RBFOX1: variants seen among roughly 807,000 people sequenced by gnomAD.
RBFOX1 encodes RNA binding protein fox-1 homolog 1.
A neutral mutation model predicts 57.7 loss-of-function variants in RBFOX1; 8 were observed. The observed-to-expected ratio is 0.14, with a 90% CI of 0.08 to 0.25. The LOEUF (loss-of-function observed/expected upper bound fraction) is 0.25. Ranked by LOEUF, RBFOX1 falls within the 10% of genes least tolerant of loss-of-function variation. The pLI, the probability that RBFOX1 is intolerant of heterozygous loss-of-function variation, is 1.00. For synonymous variants in RBFOX1, 326 were observed against 222.4 expected (o/e 1.47, Z -4.15); for missense variants, 611 against 548.5 (o/e 1.11, Z -1.14).
In RBFOX1 at chr16:7,044,577, C is replaced by T. The variant is rs572647798; in HGVS notation, c.-15-7480C>T. 2.9e-3 allele frequency among the ~76,000 whole-genome samples: 435 copies of T among 152,284 alleles called. 2 individuals are homozygous for T. Among genetic ancestry groups the T allele is most frequent in the Non-Finnish European group, 2.3e-3 (155 of 68,030 alleles). On this transcript the variant is annotated intron_variant, in intron 3 of 15. Coordinates refer to ENST00000550418, the MANE Select transcript of RBFOX1 (RefSeq NM_018723.4). Reference sequence around the variant, plus strand: ...TAACCTTTCATAAGTGCTTACTTGGCAGCCCTTTCAAGAGTGGTATTTGAT... The same window carrying T: ...TAACCTTTCATAAGTGCTTACTTGGTAGCCCTTTCAAGAGTGGTATTTGAT...
At chr16:7,462,060 C>T (rs1239512071) in intron 4 of RBFOX1, among the ~76,000 whole-genome samples, 1 of 152,190 alleles carries the variant, frequency 6.6e-6, no homozygotes, top group East Asian at 1.9e-4. Flanking sequence ...GACAATAGAA[C>T]TGTGAAAATC....
intron 5 of RBFOX1, among the ~76,000 whole-genome samples, chr16:7,535,560 G>A (rs1322247755): frequency 1.3e-5 from 2 of 152,174 alleles, no homozygotes; most frequent in Admixed American, 6.5e-5. Flanking sequence ...CTTTTCCACT[G>A]ACTTTGCTGG....
intron 4 of RBFOX1, among the ~76,000 whole-genome samples, chr16:5,935,047 C>G (rs548355246): frequency 6.6e-6 from 1 of 152,314 alleles, no homozygotes; most frequent in African/African-American, 2.4e-5. Flanking sequence ...AAACAAGTGT[C>G]TACACCCTCA....
chr16:6,654,554 C>T (rs12921150), intron 2 of RBFOX1, 49 bp from the exon 3 acceptor site: 9 of 1,412,046 alleles, frequency 6.4e-6, no homozygotes, highest in East Asian at 2.6e-5. Context: ...GACCATAAGT[C>T]TGACTCCTGT....
At position 7,096,189 on chromosome 16, in the gene RBFOX1, T is replaced by G. The variant is rs1237697123; in HGVS notation, c.27+44091T>G. On this transcript the variant is annotated intron_variant, in intron 4 of 15. Transcript: ENST00000550418. The stretch of plus-strand genomic sequence containing the variant: ...AAACACAACACAATAACAAAACTGG[T>G]AACCATCGAGCAAAAGTAGTCGATA... Among the ~76,000 whole-genome samples the G allele has an allele frequency of 2.6e-5, 4 of 152,112 alleles. No individual in the cohort carries two copies. The South Asian group carries it at 8.3e-4, about 32-fold the overall frequency.
At chr16:7,203,367 C>G (rs1417427349) in intron 4 of RBFOX1, among the ~76,000 whole-genome samples, 1 of 152,044 alleles carries the variant, frequency 6.6e-6, no homozygotes, top group Admixed American at 6.5e-5. Context: ...ATGGTGGTGG[C>G]TGGTGGAGAG....
At chr16:5,347,981 A>G (rs1422357509) in intron 1 of RBFOX1, among the ~76,000 whole-genome samples, 2 of 124,186 alleles carry the variant, frequency 1.6e-5, no homozygotes, top group African/African-American at 6.2e-5. Flanking sequence ...CAACCCATCG[A>G]TCCATCTACC....
At chr16:7,538,593 G>C (rs1486106452) in intron 5 of RBFOX1, among the ~76,000 whole-genome samples, 1 of 152,138 alleles carries the variant, frequency 6.6e-6, no homozygotes, top group Non-Finnish European at 1.5e-5. Context: ...AGGAGAGAGA[G>C]ATGGAAACAA....
chr16:6,677,545 A>G (rs746672700), intron 3 of RBFOX1, among the ~76,000 whole-genome samples: 5 of 152,216 alleles, frequency 3.3e-5, no homozygotes, highest in Non-Finnish European at 4.4e-5. Context: ...CTAGGATTAA[A>G]TAAAAATTAA....
chr16:5,710,124 A>G (rs1008770722), intron 3 of RBFOX1, among the ~76,000 whole-genome samples: 7 of 151,730 alleles, frequency 4.6e-5, no homozygotes, highest in African/African-American at 1.5e-4. Flanking sequence ...TGCATGTGAG[A>G]GATTATAAGC....
chr16:6,561,871 G>A (rs992414007), intron 2 of RBFOX1, among the ~76,000 whole-genome samples: 1 of 152,170 alleles, frequency 6.6e-6, no homozygotes, highest in Non-Finnish European at 1.5e-5. Flanking sequence ...TCTGGTGAAT[G>A]ATTTAATGAC....
chr16:7,702,739 G>A (rs936582993), intron 14 of RBFOX1, among the ~76,000 whole-genome samples: 2 of 152,186 alleles, frequency 1.3e-5, no homozygotes, highest in African/African-American at 4.8e-5. Flanking sequence ...CACTTGGTCT[G>A]GAATGTATGT....
At chr16:6,420,657 G>C (rs1253513449) in intron 2 of RBFOX1, among the ~76,000 whole-genome samples, 1 of 152,092 alleles carries the variant, frequency 6.6e-6, no homozygotes, top group Non-Finnish European at 1.5e-5. Flanking sequence ...TTAGTGTATT[G>C]GTGTTTGCTC....
rs74009249 is a variant in RBFOX1, at chr16:7,144,632, C to T, written c.27+92534C>T. ...GTTCAAGTCTGAACATTTAGTGATG[C>T]CATAGAGAGCCCTCCCTTCCTGCCA... is the stretch of plus-strand genomic sequence containing the variant. On this transcript the variant is annotated intron_variant, in intron 4 of 15. Coordinates refer to ENST00000550418, the MANE Select transcript of RBFOX1 (RefSeq NM_018723.4). 7.7e-3 allele frequency among the ~76,000 whole-genome samples: 1,168 copies of T among 152,020 alleles called. 19 individuals are homozygous for T. The highest frequency in any genetic ancestry group is 0.027 in the African/African-American group (1,107 of 41,450).
intron 4 of RBFOX1, among the ~76,000 whole-genome samples, chr16:7,222,705 T>C (rs1301197811): frequency 6.6e-6 from 1 of 152,216 alleles, no homozygotes; most frequent in Non-Finnish European, 1.5e-5. Context: ...GAAATGATGT[T>C]ACAGGTGTAA....
chr16:5,436,701 G>A (rs2067928386), intron 1 of RBFOX1, among the ~76,000 whole-genome samples: 1 of 151,732 alleles, frequency 6.6e-6, no homozygotes, highest in Admixed American at 6.6e-5. Flanking sequence ...AGCTGGGTGT[G>A]GTGGTGGATG....
At chr16:6,752,539 A>G (rs1027516036) in intron 3 of RBFOX1, among the ~76,000 whole-genome samples, 1 of 152,304 alleles carries the variant, frequency 6.6e-6, no homozygotes, top group Non-Finnish European at 1.5e-5. Flanking sequence ...TTTGAAAGCA[A>G]GTTAGCGCAT....
At chr16:6,096,631 T>A (rs142440319) in intron 1 of RBFOX1, among the ~76,000 whole-genome samples, 3 of 152,344 alleles carry the variant, frequency 2.0e-5, no homozygotes, top group Non-Finnish European at 2.9e-5. Flanking sequence ...CACTTTCTTT[T>A]CATTGGGTTT....
intron 3 of RBFOX1, among the ~76,000 whole-genome samples, chr16:6,876,473 G>C (rs2061866640): frequency 6.6e-6 from 1 of 152,094 alleles, no homozygotes; most frequent in African/African-American, 2.4e-5. Flanking sequence ...CTTGGTTTTT[G>C]TCACTATTTT....
Sources: gnomAD v4.1 joint callset for allele counts (sites outside exome capture counted in the v4.1 genomes callset) on GRCh38, gnomAD v4.1.1 for gene constraint, MANE v1.5 for transcripts, NCBI Gene and HGNC (gene_info 2026-07-23, HGNC 2026-07-21) for gene names.